The following METTL16 variants were observed in gnomAD, a reference collection of about 807,000 sequenced individuals.
The protein encoded by METTL16 is methyltransferase 16, RNA N6-adenosine.
METTL16 carries 19 observed loss-of-function variants against 57.9 expected under a neutral mutation model. That is an observed-to-expected ratio of 0.33 (90% CI 0.23 to 0.48). The LOEUF (loss-of-function observed/expected upper bound fraction) is 0.48, where lower values mean the gene tolerates loss of function less well. Ranked by LOEUF, METTL16 falls within the 20% of genes least tolerant of loss-of-function variation. METTL16 has a pLI of 0.99. For synonymous variants in METTL16, 246 were observed against 255.6 expected (o/e 0.96, Z 0.36); for missense variants, 434 against 691.5 (o/e 0.63, Z 4.18).
chr17:2,460,193 C>T (rs2067139703), intron 6 of METTL16: 1 of 152,118 alleles, frequency 6.6e-6, no homozygotes, highest in Admixed American at 6.6e-5. Context: ...CATCTAAACT[C>T]TCAAACTGCT....
intron 5 of METTL16, 119 bp downstream of exon 5, chr17:2,467,642 G>A (rs1436632589): frequency 3.0e-6 from 2 of 671,572 alleles, no homozygotes; most frequent in South Asian, 1.7e-5. Flanking sequence ...TGGCCAGGCT[G>A]GTCTCAAACT....
At chr17:2,439,790 A>C (rs1391377087) in intron 7 of METTL16, among the ~76,000 whole-genome samples, 2 of 152,192 alleles carry the variant, frequency 1.3e-5, no homozygotes, top group African/African-American at 4.8e-5. Context: ...ATAATCTATA[A>C]AAAATATATT....
Position 2,511,795 on chromosome 17 carries a change from G to A in METTL16, c.-37C>T. ...AGGTTCCTGCCAGACGTCGTGTCTG[G>A]CGTGGGCCTGTACAACCCTAGAATC... On this transcript the variant is annotated 5_prime_UTR_variant, in exon 1 of 10. Transcript: ENST00000263092. The A allele has an allele frequency of 2.5e-6, 1 of 398,584 alleles. No homozygotes were observed. The highest frequency in any genetic ancestry group is 4.4e-5 in the Admixed American group (1 of 22,732). 24.7% of individuals were successfully genotyped at this position (398,584 alleles called of 1,614,324 possible).
chr17:2,496,272 A>C (rs1364129206), intron 2 of METTL16, among the ~76,000 whole-genome samples: 1 of 151,670 alleles, frequency 6.6e-6, no homozygotes, highest in African/African-American at 2.4e-5. Context: ...CTTAGTTAGA[A>C]ATATTTAAAA....
intron 1 of METTL16, among the ~76,000 whole-genome samples, chr17:2,507,667 G>C (rs1391701522): frequency 6.6e-6 from 1 of 152,318 alleles, no homozygotes; most frequent in African/African-American, 2.4e-5. Flanking sequence ...TGACAATGGC[G>C]GTTTTGTGGA....
intron 2 of METTL16, among the ~76,000 whole-genome samples, chr17:2,496,557 T>G (rs1438282555): frequency 6.6e-6 from 1 of 151,852 alleles, no homozygotes; most frequent in Non-Finnish European, 1.5e-5. Context: ...ATTTTGATGC[T>G]TTTTGCCTTC....
chr17:2,493,758 C>G (rs572040986), intron 2 of METTL16, among the ~76,000 whole-genome samples: 2 of 150,464 alleles, frequency 1.3e-5, no homozygotes, highest in Non-Finnish European at 1.5e-5. Flanking sequence ...GAAGAACATT[C>G]TACCAGTGCA....
At chr17:2,427,617 T>C (rs982103477) in intron 8 of METTL16, among the ~76,000 whole-genome samples, 2 of 152,118 alleles carry the variant, frequency 1.3e-5, no homozygotes, top group African/African-American at 4.8e-5. Context: ...GGGATTCTTT[T>C]ATTTTTTTAA....
intron 1 of METTL16, among the ~76,000 whole-genome samples, chr17:2,508,788 TAA>T (rs913710003): frequency 3.9e-5 from 6 of 152,154 alleles, no homozygotes; most frequent in African/African-American, 1.4e-4. Context: ...GCTATTAAGC[TAA>T]AAAAGTCTAA....
intron 2 of METTL16, among the ~76,000 whole-genome samples, chr17:2,482,410 CAG>C (rs2067313859): frequency 6.6e-6 from 1 of 152,156 alleles, no homozygotes; most frequent in African/African-American, 2.4e-5. Context: ...CCATTTTAAC[CAG>C]AGAGCTAAGA....
At chr17:2,492,094 C>T (rs2067400247) in intron 2 of METTL16, among the ~76,000 whole-genome samples, 3 of 150,988 alleles carry the variant, frequency 2.0e-5, no homozygotes, top group South Asian at 2.1e-4. Context: ...GCCTGTAGTC[C>T]CAGCTACTCG....
intron 2 of METTL16, among the ~76,000 whole-genome samples, chr17:2,491,901 TTAAAA>T (rs999289385): frequency 8.5e-6 from 1 of 117,420 alleles, no homozygotes; most frequent in African/African-American, 3.4e-5. Context: ...AAAAAATCAG[TTAAAA>T]TAAATAAAAA....
intron 2 of METTL16, among the ~76,000 whole-genome samples, chr17:2,494,077 G>A (rs765143495): frequency 8.6e-5 from 13 of 152,008 alleles, no homozygotes; most frequent in African/African-American, 2.2e-4. Context: ...ACAGAGTCTC[G>A]CTCTGTTGCC....
chr17:2,486,326 C>T (rs1217069914), intron 2 of METTL16, among the ~76,000 whole-genome samples: 1 of 151,518 alleles, frequency 6.6e-6, no homozygotes, highest in African/African-American at 2.4e-5. Flanking sequence ...GGCTGGAGTG[C>T]AATGGCGAGA....
intron 6 of METTL16, among the ~76,000 whole-genome samples, chr17:2,452,860 T>G (rs974681762): frequency 2.6e-5 from 4 of 151,660 alleles, no homozygotes; most frequent in African/African-American, 9.7e-5. Context: ...TTTGTTTTTG[T>G]TTTTTTTAGA....
chr17:2,435,431 G>A (rs899938124), intron 8 of METTL16, among the ~76,000 whole-genome samples: 2 of 152,118 alleles, frequency 1.3e-5, no homozygotes, highest in African/African-American at 2.4e-5. Context: ...TTCAAAAAAC[G>A]AGGGTGGGGA....
chr17:2,484,683 G>A (rs750841410), intron 2 of METTL16, among the ~76,000 whole-genome samples: 9 of 152,004 alleles, frequency 5.9e-5, no homozygotes, highest in African/African-American at 2.2e-4. Flanking sequence ...TAGTAGAGAC[G>A]GGGTTTCGCC....
At chr17:2,421,247 C>G (rs2066763546) in intron 8 of METTL16, among the ~76,000 whole-genome samples, 1 of 152,124 alleles carries the variant, frequency 6.6e-6, no homozygotes, top group South Asian at 2.1e-4. Flanking sequence ...CCCGGCTACT[C>G]TGAAAGCAGA....
intron 6 of METTL16, among the ~76,000 whole-genome samples, chr17:2,451,435 A>G (rs1244371055): frequency 6.6e-6 from 1 of 152,096 alleles, no homozygotes; most frequent in Non-Finnish European, 1.5e-5. Flanking sequence ...CCTGGCCAAC[A>G]TGGGAAACCC....
Sources: allele counts gnomAD v4.1 joint callset (sites outside exome capture counted in the v4.1 genomes callset), GRCh38; gene constraint gnomAD v4.1.1; transcripts MANE v1.5; gene names NCBI Gene and HGNC (gene_info 2026-07-23, HGNC 2026-07-21).